The following MDGA2 variants were observed in gnomAD, a reference collection of about 807,000 sequenced individuals.
MDGA2 encodes MAM domain containing glycosylphosphatidylinositol anchor 2.
Under a neutral mutation model 117.8 loss-of-function variants are expected in MDGA2, and 40 were observed. That is an observed-to-expected ratio of 0.34 (90% CI 0.26 to 0.44). MDGA2 has a LOEUF of 0.44. Ranked by LOEUF, MDGA2 falls within the 20% of genes least tolerant of loss-of-function variation. MDGA2 has a pLI of 1.00. For missense variants in MDGA2, 1,123 were observed against 1,250.6 expected (o/e 0.90, Z 1.54); for synonymous variants, 452 against 439.0 (o/e 1.03, Z -0.37).
intron 3 of MDGA2, among the ~76,000 whole-genome samples, chr14:47,179,135 C>T (rs1209591423): frequency 6.6e-6 from 1 of 151,760 alleles, no homozygotes; most frequent in Non-Finnish European, 1.5e-5. Flanking sequence ...TGACTGTGAC[C>T]AAAACTCAGT....
At chr14:47,346,960 C>A (rs927295214) in intron 1 of MDGA2, among the ~76,000 whole-genome samples, 1 of 152,096 alleles carries the variant, frequency 6.6e-6, no homozygotes, top group African/African-American at 2.4e-5. Context: ...AACTTGGTAC[C>A]TATCTGAAAA....
chr14:47,283,099 T>C (rs995570587), intron 2 of MDGA2, among the ~76,000 whole-genome samples: 2 of 152,224 alleles, frequency 1.3e-5, no homozygotes, highest in Non-Finnish European at 2.9e-5. Flanking sequence ...CTATTAATTT[T>C]GGGCAAATAT....
chr14:47,125,539 C>A (rs987338917), intron 5 of MDGA2, among the ~76,000 whole-genome samples: 11 of 151,152 alleles, frequency 7.3e-5, no homozygotes, highest in Non-Finnish European at 1.0e-4. Context: ...TGACCTCTAT[C>A]TTTTTCCATG....
At chr14:46,899,835 AG>A (rs1372965273) in intron 10 of MDGA2, among the ~76,000 whole-genome samples, 13 of 152,112 alleles carry the variant, frequency 8.5e-5, no homozygotes, top group African/African-American at 3.1e-4. Flanking sequence ...ATCTAACGTA[AG>A]AGGTTTTGAA....
chr14:46,982,836 A>G (rs1886732964), intron 8 of MDGA2, among the ~76,000 whole-genome samples: 1 of 151,866 alleles, frequency 6.6e-6, no homozygotes. Flanking sequence ...AGAACTTCCA[A>G]CACTATGTTG....
intron 1 of MDGA2, among the ~76,000 whole-genome samples, chr14:47,474,430 C>T (rs1031733753): frequency 3.3e-5 from 5 of 151,918 alleles, no homozygotes; most frequent in African/African-American, 1.2e-4. Flanking sequence ...AGATTCAATG[C>T]TATTCCCATT....
intron 2 of MDGA2, among the ~76,000 whole-genome samples, chr14:47,244,480 G>T (rs9323128): frequency 1.3e-5 from 2 of 151,594 alleles, no homozygotes; most frequent in Admixed American, 6.6e-5. Flanking sequence ...TTTTGGCCAC[G>T]TATACTAGAA....
At chr14:47,295,647 T>A (rs980855891) in intron 2 of MDGA2, among the ~76,000 whole-genome samples, 1 of 152,182 alleles carries the variant, frequency 6.6e-6, no homozygotes, top group African/African-American at 2.4e-5. Flanking sequence ...CTCACAACTG[T>A]AATCCTAGCA....
intron 3 of MDGA2, among the ~76,000 whole-genome samples, chr14:47,216,932 C>G (rs1886111956): frequency 6.6e-6 from 1 of 151,910 alleles, no homozygotes; most frequent in South Asian, 2.1e-4. Flanking sequence ...CAGGGGGCCT[C>G]AGGAAATAGA....
At chr14:47,630,771 C>T (rs1041191051) in intron 1 of MDGA2, among the ~76,000 whole-genome samples, 1 of 152,168 alleles carries the variant, frequency 6.6e-6, no homozygotes, top group Non-Finnish European at 1.5e-5. Context: ...GTCCTGAGTA[C>T]ATAGAACAGC....
At chr14:47,621,595 G>A (rs1160767769) in intron 1 of MDGA2, among the ~76,000 whole-genome samples, 1 of 152,128 alleles carries the variant, frequency 6.6e-6, no homozygotes, top group African/African-American at 2.4e-5. Flanking sequence ...CAAAACATGG[G>A]CATTAGGAGT....
In MDGA2 at chr14:47,675,077, C is replaced by G. The variant is rs578211720; in HGVS notation, c.-281G>C. 474 of 162,222 alleles carry G rather than the reference C, an allele frequency of 2.9e-3. 1 individual carries two copies. Among genetic ancestry groups the G allele is most frequent in the African/African-American group, 0.011 (445 of 41,628 alleles). 10.0% of individuals were successfully genotyped at this position (162,222 alleles called of 1,614,324 possible). Reference sequence around the variant, plus strand: ...GCGGTAGGAGCCTGGCTTGGACAGCCGAGGAGCAGGAAGTGGCCTCTGACC... The same window carrying G: ...GCGGTAGGAGCCTGGCTTGGACAGCGGAGGAGCAGGAAGTGGCCTCTGACC... On this transcript the variant is annotated 5_prime_UTR_variant, in exon 1 of 17. Transcript: ENST00000399232.
At position 47,622,421 on chromosome 14, in the gene MDGA2, T is replaced by A. The variant is rs141691309; in HGVS notation, c.280+52096A>T. Among the ~76,000 whole-genome samples, 75 of 152,320 alleles carry A rather than the reference T, an allele frequency of 4.9e-4. 3 individuals carry two copies. Among genetic ancestry groups the A allele is most frequent in the African/African-American group, 1.8e-3 (74 of 41,568 alleles). ...GCAGCAATTATAAGGATATGTGTCC[T>A]CCAGTGTGAGAAAACACATTGACTT... On this transcript the variant is annotated intron_variant, in intron 1 of 16. Transcript: ENST00000399232.
At chr14:47,129,642 T>C (rs1882096300) in intron 5 of MDGA2, among the ~76,000 whole-genome samples, 1 of 150,854 alleles carries the variant, frequency 6.6e-6, no homozygotes, top group South Asian at 2.1e-4. Context: ...GTATTTCTAG[T>C]TCTAGATCCC....
At chr14:47,389,606 C>CCACACA (rs200077028) in intron 1 of MDGA2, among the ~76,000 whole-genome samples, 7 of 96,386 alleles carry the variant, frequency 7.3e-5, no homozygotes, top group African/African-American at 2.7e-4. Context: ...ACACACACAC[C>CCACACA]CACACACACA....
intron 3 of MDGA2, among the ~76,000 whole-genome samples, chr14:47,163,845 A>T (rs1038662035): frequency 1.3e-5 from 2 of 152,174 alleles, no homozygotes; most frequent in African/African-American, 4.8e-5. Flanking sequence ...GGGAAGCAGG[A>T]GCAATTGTGC....
Position 47,030,061 on chromosome 14 carries a change from C to T in MDGA2, c.1819+4950G>A, listed in dbSNP as rs534563897. ...CAGAATGGTCTCAATCTCTTGACCTCGTGATCCACCCACCTCAGCCTCCCA... is the reference window on the plus strand; with the variant it reads ...CAGAATGGTCTCAATCTCTTGACCTTGTGATCCACCCACCTCAGCCTCCCA... On this transcript the variant is annotated intron_variant, in intron 8 of 16. Coordinates refer to ENST00000399232, the MANE Select transcript of MDGA2 (RefSeq NM_001113498.3). 5.7e-4 allele frequency among the ~76,000 whole-genome samples: 87 copies of T among 151,948 alleles called. No individual in the cohort carries two copies. The Middle Eastern group carries it at 0.02, about 36-fold the overall frequency.
intron 1 of MDGA2, among the ~76,000 whole-genome samples, chr14:47,476,533 G>C (rs1177715040): frequency 6.6e-6 from 1 of 151,138 alleles, no homozygotes; most frequent in Admixed American, 6.6e-5. Flanking sequence ...ATATTCCTGA[G>C]TGAAGAAAAA....
chr14:47,341,122 A>C (rs1890609580), intron 1 of MDGA2, among the ~76,000 whole-genome samples: 1 of 152,202 alleles, frequency 6.6e-6, no homozygotes, highest in Admixed American at 6.5e-5. Flanking sequence ...CTATCTTATA[A>C]TGTGGCTAAC....
Sources: allele counts gnomAD v4.1 joint callset (sites outside exome capture counted in the v4.1 genomes callset), GRCh38; gene constraint gnomAD v4.1.1; transcripts MANE v1.5; gene names NCBI Gene and HGNC (gene_info 2026-07-23, HGNC 2026-07-21).